AQR: variants seen among roughly 807,000 people sequenced by gnomAD.
AQR encodes RNA helicase aquarius.
In AQR, 61 loss-of-function variants were observed where a neutral mutation model predicts 180.5. The ratio of observed to expected loss-of-function variants is 0.34; its 90% CI spans 0.28 to 0.42. The LOEUF (loss-of-function observed/expected upper bound fraction) is 0.42, where lower values mean the gene tolerates loss of function less well. AQR is among the 10% of genes least tolerant of loss of function. The pLI is 1.00. For synonymous variants in AQR, 551 were observed against 588.8 expected (o/e 0.94, Z 0.93); for missense variants, 1,281 against 1,798.3 (o/e 0.71, Z 5.20).
chr15:34,865,994 TA>T (rs1238683070), intron 32 of AQR, among the ~76,000 whole-genome samples: 33 of 152,168 alleles, frequency 2.2e-4, no homozygotes, highest in African/African-American at 7.9e-4. Context: ...GCATAGCTGT[TA>T]ATATACAAAA....
At chr15:34,949,773 A>G (rs1566996034) in intron 4 of AQR, among the ~76,000 whole-genome samples, 1 of 149,088 alleles carries the variant, frequency 6.7e-6, no homozygotes, top group Non-Finnish European at 1.5e-5. Context: ...CCTGGGCAAC[A>G]TAGTGAGACC....
chr15:34,939,788 T>C (rs1413536288), intron 8 of AQR, among the ~76,000 whole-genome samples: 2 of 152,250 alleles, frequency 1.3e-5, no homozygotes, highest in African/African-American at 4.8e-5. Flanking sequence ...TAAGCACGCA[T>C]TTTGCCAGGA....
intron 13 of AQR, among the ~76,000 whole-genome samples, chr15:34,923,110 C>T (rs1844691464): frequency 6.6e-6 from 1 of 152,142 alleles, no homozygotes; most frequent in African/African-American, 2.4e-5. Context: ...ACCACATTCG[C>T]ATAACTTTTA....
intron 27 of AQR, among the ~76,000 whole-genome samples, chr15:34,876,978 TG>T (rs1239949183): frequency 2.0e-5 from 3 of 152,174 alleles, no homozygotes; most frequent in African/African-American, 7.2e-5. Flanking sequence ...CTCAAAGTAC[TG>T]AAGTACTGTT....
At chr15:34,902,627 C>T (rs1342416986) in intron 19 of AQR, among the ~76,000 whole-genome samples, 8 of 152,122 alleles carry the variant, frequency 5.3e-5, no homozygotes, top group Admixed American at 2.6e-4. Flanking sequence ...TCATAAGCTT[C>T]ATCTTAGCAC....
intron 19 of AQR, among the ~76,000 whole-genome samples, chr15:34,901,271 T>C (rs191030933): frequency 2.0e-5 from 3 of 152,182 alleles, no homozygotes; most frequent in African/African-American, 7.2e-5. Flanking sequence ...TTATATTCCA[T>C]AGTTCTTTAA....
intron 7 of AQR, among the ~76,000 whole-genome samples, 169 bp downstream of exon 7, chr15:34,941,842 AT>A (rs2140497316): frequency 6.6e-6 from 1 of 152,346 alleles, no homozygotes; most frequent in East Asian, 1.9e-4. Context: ...TCGAATGCAT[AT>A]AAAAACTTTA....
chr15:34,886,624 C>A lies in AQR; in HGVS notation c.2719G>T (p.Glu907Ter). The A allele has an allele frequency of 6.2e-7, 1 of 1,613,810 alleles. No homozygotes were observed. The highest frequency in any genetic ancestry group is 8.5e-7 in the Non-Finnish European group (1 of 1,179,942). ...AATCGTTTGACTTCTTCTAAAAGTT[C>A]TATTCTTCGAGCCAGAACATAATTA... ...RVNYVLARRIELLEEVKRLQK... is the reference protein window; with the variant it reads ...RVNYVLARRI Residue 907 changes from glutamate (E) to a stop codon, truncating the protein, a stop_gained, in exon 25 of 35, where the codon GAA becomes TAA. Coordinates refer to ENST00000156471, the MANE Select transcript of AQR (RefSeq NM_014691.3). LOFTEE classifies it high-confidence loss of function.
chr15:34,920,470 C>T, intron 13 of AQR, 36 bp from the exon 14 acceptor site: 1 of 1,442,710 alleles, frequency 6.9e-7, no homozygotes, highest in Non-Finnish European at 9.6e-7. Flanking sequence ...TTCATAGTAA[C>T]TTACTTCACT....
intron 33 of AQR, among the ~76,000 whole-genome samples, chr15:34,861,937 C>T (rs925479983): frequency 6.6e-6 from 1 of 151,232 alleles, no homozygotes; most frequent in African/African-American, 2.5e-5. Flanking sequence ...ATCCAATGGA[C>T]CCCCCTAGGA....
chr15:34,910,377 G>C lies in AQR; in HGVS notation c.1485-64C>G. On this transcript the variant is annotated intron_variant, in intron 16 of 34. Coordinates refer to ENST00000156471, the MANE Select transcript of AQR (RefSeq NM_014691.3). ...TAATTTATCCCCAACTTTTAGACAA[G>C]TTAAAACTAGTAAGTAGGAATACTG... The C allele has an allele frequency of 3.9e-6, 6 of 1,538,518 alleles. No homozygotes were observed. In the South Asian group the frequency reaches 5.8e-5, roughly 15 times the overall value.
Position 34,886,661 on chromosome 15 carries a change from C to A in AQR, c.2682G>T (p.Arg894Ser). 1 of 1,598,704 alleles carries A rather than the reference C, an allele frequency of 6.3e-7. No homozygotes were observed. The highest frequency in any genetic ancestry group is 8.5e-7 in the Non-Finnish European group (1 of 1,176,118). Residue 894 changes from arginine to serine, a missense_variant and splice_region_variant, in exon 25 of 35, where the codon AGG becomes AGT. By Grantham distance (110) the Arg-to-Ser change is moderately radical. Around this residue, in one of 9 missense-constraint regions of AQR, gnomAD observed 31 missense variants for 95.5 expected, o/e 0.32. Coordinates refer to ENST00000156471, the MANE Select transcript of AQR (RefSeq NM_014691.3). ...CCAGAACATAATTAACTCTTCCATA[C>A]CTAGACATTTCAATTAGGCAAAATG... is the stretch of plus-strand genomic sequence containing the variant. ...EELETEKDFSRYGRVNYVLAR... is the reference protein window; with the variant it reads ...EELETEKDFSSYGRVNYVLAR...
intron 5 of AQR, among the ~76,000 whole-genome samples, chr15:34,945,793 T>C (rs1180328249): frequency 2.0e-5 from 3 of 152,202 alleles, no homozygotes; most frequent in Admixed American, 6.5e-5. Context: ...CATCCATTCC[T>C]TTTTTTCATT....
chr15:34,935,868 C>T (rs1005132849), intron 9 of AQR, among the ~76,000 whole-genome samples: 1 of 152,114 alleles, frequency 6.6e-6, no homozygotes, highest in South Asian at 2.1e-4. Context: ...TTCGAACCAA[C>T]CTTTTGTTGC....
At chr15:34,966,937 C>T (rs529953925) in intron 1 of AQR, among the ~76,000 whole-genome samples, 2 of 122,832 alleles carry the variant, frequency 1.6e-5, no homozygotes, top group East Asian at 5.4e-4. Context: ...AGTACAATGG[C>T]GTGATCTCAG....
chr15:34,931,664 C>T (rs944526088), intron 11 of AQR, among the ~76,000 whole-genome samples: 3 of 152,050 alleles, frequency 2.0e-5, no homozygotes, highest in East Asian at 1.9e-4. Flanking sequence ...AAACATTACC[C>T]GGGCGTGGCG....
intron 24 of AQR, among the ~76,000 whole-genome samples, chr15:34,887,016 T>C (rs1010104523): frequency 2.0e-5 from 3 of 152,006 alleles, no homozygotes; most frequent in Non-Finnish European, 2.9e-5. Flanking sequence ...TCCCAGCTAC[T>C]TGGGAGGCCG....
intron 13 of AQR, among the ~76,000 whole-genome samples, chr15:34,924,696 G>T (rs1893731387): frequency 6.6e-6 from 1 of 152,118 alleles, no homozygotes; most frequent in African/African-American, 2.4e-5. Context: ...CTCCCAAAGT[G>T]CTGGGGTTAT....
intron 6 of AQR, among the ~76,000 whole-genome samples, chr15:34,942,621 T>C (rs1312420447): frequency 6.6e-6 from 1 of 152,244 alleles, no homozygotes; most frequent in Admixed American, 6.5e-5. Flanking sequence ...TAGATAAGCT[T>C]CGTTCAGGCA....
Sources: gnomAD v4.1 joint callset for allele counts (sites outside exome capture counted in the v4.1 genomes callset) on GRCh38, gnomAD v4.1.1 for gene constraint, gnomAD v4.1.1 regional missense constraint, MANE v1.5 for transcripts, NCBI Gene and HGNC (gene_info 2026-07-23, HGNC 2026-07-21) for gene names.